PDZRN3: variants seen among roughly 807,000 people sequenced by gnomAD.
PDZRN3 encodes E3 ubiquitin-protein ligase PDZRN3.
A neutral mutation model predicts 85.7 loss-of-function variants in PDZRN3; 38 were observed. That is an observed-to-expected ratio of 0.44 (90% CI 0.34 to 0.58). The LOEUF (loss-of-function observed/expected upper bound fraction) is 0.58. Among genes scored for constraint, PDZRN3 ranks in the 20% least tolerant of loss-of-function variants. The pLI is 0.01. For missense variants in PDZRN3, 1,629 were observed against 1,506.4 expected (o/e 1.08, Z -1.35); for synonymous variants, 759 against 638.0 (o/e 1.19, Z -2.86).
chr3:73,595,175 T>A (rs929933144), intron 3 of PDZRN3, among the ~76,000 whole-genome samples: 1 of 152,210 alleles, frequency 6.6e-6, no homozygotes, highest in African/African-American at 2.4e-5. Context: ...TTGGAGTCCA[T>A]TACTAATAAC....
chr3:73,568,497 C>T (rs1316812941), intron 3 of PDZRN3, among the ~76,000 whole-genome samples: 1 of 152,180 alleles, frequency 6.6e-6, no homozygotes, highest in East Asian at 1.9e-4. Context: ...TGTCTCTAAA[C>T]CACAGCTGAG....
chr3:73,449,032 A>G (rs546525490), intron 3 of PDZRN3, among the ~76,000 whole-genome samples: 2 of 152,320 alleles, frequency 1.3e-5, no homozygotes, highest in African/African-American at 4.8e-5. Flanking sequence ...TGTTTCTTTG[A>G]GTTTCATTTT....
chr3:73,550,312 C>T (rs1701523225), intron 3 of PDZRN3, among the ~76,000 whole-genome samples: 1 of 152,148 alleles, frequency 6.6e-6, no homozygotes, highest in Non-Finnish European at 1.5e-5. Flanking sequence ...TTTTAACAGG[C>T]CCTTTAGGTC....
At chr3:73,519,808 C>T (rs1704321991) in intron 3 of PDZRN3, among the ~76,000 whole-genome samples, 1 of 152,208 alleles carries the variant, frequency 6.6e-6, no homozygotes, top group East Asian at 1.9e-4. Flanking sequence ...ACTACTGACT[C>T]AGAAACCTTG....
At chr3:73,468,414 CT>C (rs964865479) in intron 3 of PDZRN3, among the ~76,000 whole-genome samples, 5 of 151,984 alleles carry the variant, frequency 3.3e-5, no homozygotes, top group Non-Finnish European at 4.4e-5. Flanking sequence ...CTTTTCCCCC[CT>C]CTCCATGCCC....
chr3:73,387,261 T>TACTACTGGA (rs1471728223), intron 8 of PDZRN3, among the ~76,000 whole-genome samples: 1 of 152,218 alleles, frequency 6.6e-6, no homozygotes, highest in East Asian at 1.9e-4. Flanking sequence ...TAAAGAGATC[T>TACTACTGGA]ACTACTGGAT....
intron 3 of PDZRN3, chr3:73,433,958 A>G: frequency 7.5e-7 from 1 of 1,325,476 alleles, no homozygotes; most frequent in South Asian, 2.1e-5. Context: ...ACAGACATAC[A>G]CGCACACCAC....
chr3:73,408,833 G>A (rs955695447), intron 3 of PDZRN3, among the ~76,000 whole-genome samples: 1 of 152,026 alleles, frequency 6.6e-6, no homozygotes, highest in East Asian at 1.9e-4. Context: ...TGACTCCGGT[G>A]CACGCCGTCA....
intron 1 of PDZRN3, 52 bp from the exon 2 acceptor site, chr3:73,608,736 G>C: frequency 9.0e-7 from 1 of 1,116,226 alleles, no homozygotes; most frequent in Non-Finnish European, 1.3e-6. Flanking sequence ...GGAATAGATG[G>C]TAGGAATTTT....
rs1702943521 is a variant in PDZRN3 at position 73,624,760 on chromosome 3, G to T, written c.66C>A (p.His22Gln). 1 of 1,493,182 alleles carries T rather than the reference G, an allele frequency of 6.7e-7. No homozygotes were observed. Among genetic ancestry groups the T allele is most frequent in the Non-Finnish European group, 8.9e-7 (1 of 1,128,830 alleles). The allele number at this position is 1,493,182 out of a possible 1,614,324, so 92.5% of individuals were successfully genotyped here. A position where few individuals can be genotyped will look rare whatever the true frequency, so the allele number is the denominator to read the frequency against. ...VDPDLKCALC[H>Q]KVLEDPLTTP... ...TGGTCAGCGGGTCCTCCAGGACCTT[G>T]TGGCACAGCGCGCACTTCAGGTCCG... Residue 22 changes from histidine (H) to glutamine (Q), a missense_variant, in exon 1 of 10, where the codon CAC becomes CAA. Transcript: ENST00000263666.
chr3:73,460,627 A>C (rs1703084023), intron 3 of PDZRN3, among the ~76,000 whole-genome samples: 1 of 152,194 alleles, frequency 6.6e-6, no homozygotes, highest in African/African-American at 2.4e-5. Flanking sequence ...TTCTTAATGC[A>C]AAGTTATAGC....
intron 5 of PDZRN3, 39 bp from the exon 6 acceptor site, chr3:73,391,155 G>T: frequency 6.4e-6 from 8 of 1,243,142 alleles, no homozygotes; most frequent in Non-Finnish European, 9.4e-6. Flanking sequence ...ACTCCAGCAG[G>T]CAATGCGAGT....
At chr3:73,613,372 G>A (rs1324500112) in intron 1 of PDZRN3, among the ~76,000 whole-genome samples, 1 of 152,142 alleles carries the variant, frequency 6.6e-6, no homozygotes, top group Admixed American at 6.5e-5. Context: ...ATGGCCACAG[G>A]AGCAAAGGGG....
chr3:73,456,464 T>C (rs1702979507), intron 3 of PDZRN3, among the ~76,000 whole-genome samples: 1 of 152,198 alleles, frequency 6.6e-6, no homozygotes, highest in Non-Finnish European at 1.5e-5. Context: ...AACAAAATAA[T>C]GTCTATTGCT....
intron 3 of PDZRN3, among the ~76,000 whole-genome samples, chr3:73,428,235 G>T (rs1702357601): frequency 6.6e-6 from 1 of 152,082 alleles, no homozygotes; most frequent in Non-Finnish European, 1.5e-5. Flanking sequence ...GAGCACCTCG[G>T]TTCTCAGCAC....
chr3:73,559,339 T>A (rs72891755), intron 3 of PDZRN3, among the ~76,000 whole-genome samples: 1 of 152,162 alleles, frequency 6.6e-6, no homozygotes, highest in Non-Finnish European at 1.5e-5. Flanking sequence ...TGCCATTTTA[T>A]GGAAAGGGGC....
chr3:73,567,801 A>C (rs1437932231), intron 3 of PDZRN3, among the ~76,000 whole-genome samples: 1 of 152,208 alleles, frequency 6.6e-6, no homozygotes, highest in Non-Finnish European at 1.5e-5. Flanking sequence ...ATGTTAACAA[A>C]GGGTGTCTGG....
At chr3:73,421,685 G>A (rs1702205864) in intron 3 of PDZRN3, among the ~76,000 whole-genome samples, 1 of 152,160 alleles carries the variant, frequency 6.6e-6, no homozygotes, top group Non-Finnish European at 1.5e-5. Context: ...GTCTTGCTCT[G>A]TTGCCAGGCT....
chr3:73,561,614 AT>A, intron 3 of PDZRN3: 1 of 152,214 alleles, frequency 6.6e-6, no homozygotes, highest in Admixed American at 6.5e-5. Context: ...CAAGGCTATT[AT>A]ATAAGAAAGG....
Sources: allele counts gnomAD v4.1 joint callset (sites outside exome capture counted in the v4.1 genomes callset), GRCh38; gene constraint gnomAD v4.1.1; transcripts MANE v1.5; gene names NCBI Gene and HGNC (gene_info 2026-07-23, HGNC 2026-07-21).